Variants in FHIT observed in about 807,000 individuals in gnomAD.
FHIT encodes the protein fragile histidine triad diadenosine triphosphatase.
Under a neutral mutation model 17.9 loss-of-function variants are expected in FHIT, and 19 were observed. That is an observed-to-expected ratio of 1.06 (90% CI 0.74 to 1.56). FHIT has a LOEUF of 1.56. Ranked by LOEUF, FHIT falls within the 40% of genes most tolerant of loss-of-function variation. FHIT has a pLI of 0.00. For missense variants in FHIT, 248 were observed against 189.2 expected (o/e 1.31, Z -1.82); for synonymous variants, 81 against 69.7 (o/e 1.16, Z -0.81).
At chr3:60,131,005 A>G (rs1699554643) in intron 5 of FHIT, among the ~76,000 whole-genome samples, 1 of 78,590 alleles carries the variant, frequency 1.3e-5, no homozygotes, top group African/African-American at 6.7e-5. Flanking sequence ...ATATATACAT[A>G]TGTGTATATA....
At chr3:59,955,014 T>C (rs1478156233) in intron 7 of FHIT, among the ~76,000 whole-genome samples, 3 of 152,218 alleles carry the variant, frequency 2.0e-5, no homozygotes, top group Non-Finnish European at 4.4e-5. Flanking sequence ...AGAAGCCAGC[T>C]TCACTTTTGA....
intron 5 of FHIT, among the ~76,000 whole-genome samples, chr3:60,468,167 T>C (rs973162410): frequency 3.3e-5 from 5 of 152,040 alleles, no homozygotes; most frequent in Admixed American, 3.3e-4. Context: ...TCTTTATTTT[T>C]AGTCTATGTG....
Position 60,744,259 on chromosome 3 carries a change from A to C in FHIT, c.-18+77660T>G, listed in dbSNP as rs868989676. 2.8e-3 allele frequency among the ~76,000 whole-genome samples: 139 copies of C among 49,986 alleles called. 3 individuals are homozygous for C. Among genetic ancestry groups the C allele is most frequent in the East Asian group, 0.018 (28 of 1,518 alleles). The allele number at this position is 49,986 out of a possible 152,430, so 32.8% of individuals were successfully genotyped here. ...TTGGAAGTAATGTAAAAAAAAAAACAAAACAAAACAAAAAAAAAAAAAAAC... is the reference window on the plus strand; with the variant it reads ...TTGGAAGTAATGTAAAAAAAAAAACCAAACAAAACAAAAAAAAAAAAAAAC... On this transcript the variant is annotated intron_variant, in intron 4 of 9. Coordinates refer to ENST00000492590, the MANE Select transcript of FHIT (RefSeq NM_002012.4).
chr3:60,208,050 C>A (rs2107509635), intron 5 of FHIT, among the ~76,000 whole-genome samples: 1 of 152,258 alleles, frequency 6.6e-6, no homozygotes, highest in African/African-American at 2.4e-5. Context: ...GACAGCAATG[C>A]TTTTATTAGA....
intron 5 of FHIT, among the ~76,000 whole-genome samples, chr3:60,156,091 T>G (rs1303955778): frequency 1.3e-5 from 2 of 152,262 alleles, no homozygotes; most frequent in South Asian, 2.1e-4. Context: ...TGGGGGCTCA[T>G]GCCTGTAATC....
intron 4 of FHIT, among the ~76,000 whole-genome samples, chr3:60,579,682 C>T (rs1157337021): frequency 1.3e-5 from 2 of 152,102 alleles, no homozygotes; most frequent in African/African-American, 4.8e-5. Flanking sequence ...TAAACTATTA[C>T]TACAGTTTGA....
chr3:60,433,562 C>T (rs2029930527), intron 5 of FHIT, among the ~76,000 whole-genome samples: 1 of 152,040 alleles, frequency 6.6e-6, no homozygotes, highest in Non-Finnish European at 1.5e-5. Context: ...TTTCTTCATA[C>T]ACTTACCAGC....
chr3:60,989,531 G>A (rs1048332374), intron 3 of FHIT, among the ~76,000 whole-genome samples: 6 of 152,108 alleles, frequency 3.9e-5, no homozygotes, highest in Non-Finnish European at 7.4e-5. Context: ...ACAACTCTAG[G>A]AGGTAGGCAC....
intron 5 of FHIT, among the ~76,000 whole-genome samples, chr3:60,238,428 C>T (rs1230712641): frequency 7.5e-6 from 1 of 133,244 alleles, no homozygotes; most frequent in Non-Finnish European, 1.6e-5. Context: ...ATTTATACCA[C>T]TCAACTAGCT....
intron 5 of FHIT, among the ~76,000 whole-genome samples, chr3:60,388,131 T>C (rs1311615912): frequency 6.6e-6 from 1 of 152,204 alleles, no homozygotes; most frequent in South Asian, 2.1e-4. Flanking sequence ...CCCTTTCTTA[T>C]AAATTACCTA....
intron 5 of FHIT, among the ~76,000 whole-genome samples, chr3:60,196,284 C>CT (rs1228953589): frequency 3.3e-5 from 5 of 152,224 alleles, no homozygotes; most frequent in Admixed American, 3.3e-4. Flanking sequence ...TGTCCAGCTT[C>CT]TAGAGGAAGC....
At chr3:59,835,846 G>GGA (rs1257548170) in intron 8 of FHIT, among the ~76,000 whole-genome samples, 1 of 152,150 alleles carries the variant, frequency 6.6e-6, no homozygotes, top group Non-Finnish European at 1.5e-5. Flanking sequence ...ATTGAATACT[G>GGA]GATGATTAAG....
chr3:59,914,695 C>A (rs1170776569), intron 8 of FHIT, among the ~76,000 whole-genome samples: 1 of 152,094 alleles, frequency 6.6e-6, no homozygotes, highest in African/African-American at 2.4e-5. Context: ...TGTTTGGGGG[C>A]TTTTCACTTT....
At chr3:60,337,650 G>C (rs1482722071) in intron 5 of FHIT, among the ~76,000 whole-genome samples, 1 of 152,168 alleles carries the variant, frequency 6.6e-6, no homozygotes, top group Non-Finnish European at 1.5e-5. Context: ...TAGCCGTGCT[G>C]TCTCGTACAC....
intron 5 of FHIT, among the ~76,000 whole-genome samples, chr3:60,128,618 T>C (rs776381140): frequency 3.3e-5 from 5 of 152,240 alleles, no homozygotes; most frequent in Admixed American, 6.5e-5. Context: ...TCTGCTTCTA[T>C]GGCAGAACTG....
At position 60,993,370 on chromosome 3, in the gene FHIT, C is replaced by T. The variant is rs570820940; in HGVS notation, c.-111+48677G>A. 9.2e-5 allele frequency among the ~76,000 whole-genome samples: 14 copies of T among 152,314 alleles called. No homozygotes were observed. The South Asian group carries it at 1.7e-3, about 18-fold the overall frequency. The stretch of plus-strand genomic sequence containing the variant: ...CTGTCCGTCTTGGCACTGCCTGAAA[C>T]GGCTTGAGCACCTTTATTGCACACT... On this transcript the variant is annotated intron_variant, in intron 3 of 9. Coordinates refer to ENST00000492590, the MANE Select transcript of FHIT (RefSeq NM_002012.4).
intron 8 of FHIT, among the ~76,000 whole-genome samples, chr3:59,907,147 T>G (rs1056856654): frequency 6.6e-6 from 1 of 152,212 alleles, no homozygotes; most frequent in South Asian, 2.1e-4. Flanking sequence ...GGACAGGAGT[T>G]GAACCTCGAT....
At chr3:59,941,274 C>T (rs1706503527) in intron 7 of FHIT, among the ~76,000 whole-genome samples, 1 of 152,146 alleles carries the variant, frequency 6.6e-6, no homozygotes, top group Admixed American at 6.5e-5. Flanking sequence ...GCTGTGAAGA[C>T]ACAAAAGGGG....
intron 3 of FHIT, among the ~76,000 whole-genome samples, chr3:60,868,486 A>G (rs1364326421): frequency 6.6e-6 from 1 of 152,072 alleles, no homozygotes; most frequent in Non-Finnish European, 1.5e-5. Flanking sequence ...GCCTTATTAA[A>G]TTCCACATTT....
Sources: allele counts gnomAD v4.1 joint callset (sites outside exome capture counted in the v4.1 genomes callset), GRCh38; gene constraint gnomAD v4.1.1; transcripts MANE v1.5; gene names NCBI Gene and HGNC (gene_info 2026-07-23, HGNC 2026-07-21).